Variants in COL15A1 observed in about 807,000 individuals in gnomAD.
COL15A1 encodes collagen alpha-1(XV) chain.
COL15A1 carries 111 observed loss-of-function variants against 165.9 expected under a neutral mutation model. That is an observed-to-expected ratio of 0.67 (90% CI 0.57 to 0.78). The LOEUF (loss-of-function observed/expected upper bound fraction) is 0.78, where lower values mean the gene tolerates loss of function less well. COL15A1 is among the 30% of genes least tolerant of loss of function. The pLI is 0.00. For synonymous variants in COL15A1, 659 were observed against 674.8 expected (o/e 0.98, Z 0.36); for missense variants, 1,745 against 1,789.7 (o/e 0.98, Z 0.45).
At chr9:99,062,920 C>T in intron 38 of COL15A1, 130 bp from the exon 39 acceptor site, 3 of 1,088,542 alleles carry the variant, frequency 2.8e-6, no homozygotes, top group Non-Finnish European at 3.8e-6. Context: ...AGTTAAGAGT[C>T]ACAGTTACAG....
intron 35 of COL15A1, among the ~76,000 whole-genome samples, chr9:99,057,739 A>G (rs1313973341): frequency 1.3e-5 from 2 of 152,190 alleles, no homozygotes; most frequent in Non-Finnish European, 2.9e-5. Context: ...GGAGACAATA[A>G]TAGCAGCAAT....
chr9:99,042,985 A>T (rs1278178533), intron 24 of COL15A1, among the ~76,000 whole-genome samples: 1 of 152,184 alleles, frequency 6.6e-6, no homozygotes, highest in Non-Finnish European at 1.5e-5. Flanking sequence ...ATATAGAAAT[A>T]AGATGAGGAA....
chr9:98,967,983 T>G (rs1837985047), intron 2 of COL15A1, among the ~76,000 whole-genome samples: 1 of 152,206 alleles, frequency 6.6e-6, no homozygotes, highest in African/African-American at 2.4e-5. Context: ...AGTCCCCAGA[T>G]ACTGCTGCTG....
chr9:99,030,645 CT>C (rs2119035527), intron 16 of COL15A1, among the ~76,000 whole-genome samples: 1 of 152,318 alleles, frequency 6.6e-6, no homozygotes, highest in South Asian at 2.1e-4. Flanking sequence ...ATAAGATGCC[CT>C]CTTGATTGGA....
chr9:98,980,038 G>A (rs2118867032), intron 2 of COL15A1, among the ~76,000 whole-genome samples: 1 of 152,122 alleles, frequency 6.6e-6, no homozygotes, highest in South Asian at 2.1e-4. Flanking sequence ...CATGCCTGTA[G>A]CCCCAGACAT....
intron 2 of COL15A1, among the ~76,000 whole-genome samples, chr9:98,955,140 A>G (rs1360272896): frequency 1.3e-5 from 2 of 152,210 alleles, no homozygotes; most frequent in Non-Finnish European, 2.9e-5. Context: ...AGGTCCAGAC[A>G]CCAGCAGGTT....
chr9:99,056,576 C>T (rs1825723657), intron 35 of COL15A1, among the ~76,000 whole-genome samples, 172 bp downstream of exon 35: 1 of 152,142 alleles, frequency 6.6e-6, no homozygotes, highest in Non-Finnish European at 1.5e-5. Flanking sequence ...AAAATTCACC[C>T]ACCTAAAGTG....
intron 4 of COL15A1, 77 bp from the exon 5 acceptor site, chr9:98,989,101 G>GT: frequency 8.9e-7 from 1 of 1,121,892 alleles, no homozygotes; most frequent in Non-Finnish European, 1.4e-6. Flanking sequence ...GTCAGTTTCT[G>GT]TAACTTTCCC....
chr9:99,009,334 CA>C (rs1165244695), intron 9 of COL15A1, among the ~76,000 whole-genome samples: 2 of 152,308 alleles, frequency 1.3e-5, no homozygotes, highest in East Asian at 3.9e-4. Context: ...TATGCTAAAA[CA>C]TATCAGAATC....
At chr9:99,054,542 C>T (rs1225548728) in intron 31 of COL15A1, 34 bp from the exon 32 acceptor site, 1 of 1,570,656 alleles carries the variant, frequency 6.4e-7, no homozygotes, top group Non-Finnish European at 8.6e-7. Flanking sequence ...GGTGATTTTC[C>T]ATTTTTTTTT....
chr9:99,053,484 G>A (rs953772759), intron 31 of COL15A1, among the ~76,000 whole-genome samples: 7 of 152,212 alleles, frequency 4.6e-5, no homozygotes, highest in African/African-American at 1.4e-4. Context: ...CTGGAAGGAG[G>A]GGGAGGGAAC....
intron 6 of COL15A1, among the ~76,000 whole-genome samples, chr9:99,000,300 A>C (rs62561185): frequency 0.061 from 9,217 of 152,074 alleles, 408 homozygotes; most frequent in Non-Finnish European, 0.089. Context: ...AGCCAAGTAT[A>C]TAAATATATA....
At chr9:98,981,681 CAAG>C (rs1403412611) in intron 2 of COL15A1, among the ~76,000 whole-genome samples, 1 of 152,174 alleles carries the variant, frequency 6.6e-6, no homozygotes, top group East Asian at 1.9e-4. Context: ...ACCAAATTCA[CAAG>C]AATGGCTCCT....
chr9:98,952,813 C>T (rs1837712840), intron 2 of COL15A1, among the ~76,000 whole-genome samples: 3 of 152,226 alleles, frequency 2.0e-5, no homozygotes, highest in South Asian at 2.1e-4. Context: ...GATATCTTAT[C>T]ATATAATATT....
chr9:99,036,564 A>G (rs1355714257), intron 21 of COL15A1, among the ~76,000 whole-genome samples, 168 bp downstream of exon 21: 1 of 152,110 alleles, frequency 6.6e-6, no homozygotes, highest in Non-Finnish European at 1.5e-5. Flanking sequence ...CCCCAGTTCC[A>G]CTGTTCTCTC....
chr9:98,967,299 C>T (rs541067791), intron 2 of COL15A1, among the ~76,000 whole-genome samples: 1 of 152,278 alleles, frequency 6.6e-6, no homozygotes, highest in East Asian at 1.9e-4. Context: ...AGGTGTGTGC[C>T]GACCCTTCTC....
rs74714362 is a variant in COL15A1 at position 98,987,488 on chromosome 9, C to A, written c.723+120C>A. On this transcript the variant is annotated intron_variant, in intron 4 of 41. Transcript: ENST00000375001. ...AAACCTCTCATTTTGGCAACTGCTG[C>A]CTCAAGTCCTATTTTGGGCTTTTGG... 2,138 of 857,998 alleles carry A rather than the reference C, an allele frequency of 2.5e-3. 6 individuals carry two copies. The highest frequency in any genetic ancestry group is 3.2e-3 in the Non-Finnish European group (1,821 of 561,312). 53.1% of individuals were successfully genotyped at this position (857,998 alleles called of 1,614,324 possible). A position where few individuals can be genotyped will look rare whatever the true frequency, so the allele number is the denominator to read the frequency against.
chr9:99,061,540 A>G (rs951329206), intron 36 of COL15A1, among the ~76,000 whole-genome samples: 2 of 152,252 alleles, frequency 1.3e-5, no homozygotes, highest in African/African-American at 4.8e-5. Flanking sequence ...CTTATTCCAA[A>G]TGAAAAATTT....
intron 26 of COL15A1, among the ~76,000 whole-genome samples, chr9:99,046,674 T>A (rs866929442): frequency 6.6e-6 from 1 of 152,202 alleles, no homozygotes; most frequent in Non-Finnish European, 1.5e-5. Context: ...CATTCACTGT[T>A]ATGAGAACAG....
Sources: gnomAD v4.1 joint callset for allele counts (sites outside exome capture counted in the v4.1 genomes callset) on GRCh38, gnomAD v4.1.1 for gene constraint, MANE v1.5 for transcripts, NCBI Gene and HGNC (gene_info 2026-07-23, HGNC 2026-07-21) for gene names.